The following PRKCE variants were observed in gnomAD, a reference collection of about 807,000 sequenced individuals.
PRKCE encodes protein kinase C epsilon type.
PRKCE carries 16 observed loss-of-function variants against 85.4 expected under a neutral mutation model. The ratio of observed to expected loss-of-function variants is 0.19; its 90% CI spans 0.13 to 0.28. The LOEUF (loss-of-function observed/expected upper bound fraction) is 0.28. PRKCE is among the 10% of genes least tolerant of loss of function. PRKCE has a pLI of 1.00. For synonymous variants in PRKCE, 388 were observed against 371.5 expected, an observed-to-expected ratio of 1.04 and a Z score of -0.51; for missense variants, 573 against 975.2, an observed-to-expected ratio of 0.59 and a Z score of 5.49.
At chr2:45,750,058 A>G (rs1390036615) in intron 1 of PRKCE, among the ~76,000 whole-genome samples, 2 of 152,100 alleles carry the variant, frequency 1.3e-5, no homozygotes, top group Non-Finnish European at 2.9e-5. Context: ...CAAGTGGTGA[A>G]TAATGTATCA....
At chr2:45,852,388 A>G (rs1366371203) in intron 2 of PRKCE, among the ~76,000 whole-genome samples, 3 of 152,296 alleles carry the variant, frequency 2.0e-5, no homozygotes, top group African/African-American at 7.2e-5. Context: ...TCCATCTGTT[A>G]TTGGGTTCTG....
intron 1 of PRKCE, among the ~76,000 whole-genome samples, chr2:45,669,947 G>A (rs1322689283): frequency 1.3e-5 from 2 of 152,176 alleles, no homozygotes; most frequent in African/African-American, 2.4e-5. Context: ...GGAGGCAGAG[G>A]TTGCAGTGAG....
chr2:45,815,498 C>G (rs556601198), intron 1 of PRKCE, among the ~76,000 whole-genome samples: 1 of 152,258 alleles, frequency 6.6e-6, no homozygotes, highest in Non-Finnish European at 1.5e-5. Context: ...GTTCCAATCC[C>G]TAGGTGCTTT....
chr2:46,055,069 C>T (rs540738465), intron 10 of PRKCE, among the ~76,000 whole-genome samples: 2 of 152,338 alleles, frequency 1.3e-5, no homozygotes, highest in East Asian at 1.9e-4. Context: ...GATCACATTC[C>T]TCCTGGACGC....
chr2:46,165,335 A>G (rs1012193639), intron 14 of PRKCE, among the ~76,000 whole-genome samples: 2 of 152,228 alleles, frequency 1.3e-5, no homozygotes, highest in African/African-American at 4.8e-5. Context: ...ATGTGCCATC[A>G]ACACCAAACC....
At chr2:46,023,769 C>T (rs13013317) in intron 10 of PRKCE, among the ~76,000 whole-genome samples, 2 of 151,940 alleles carry the variant, frequency 1.3e-5, no homozygotes, top group African/African-American at 2.4e-5. Flanking sequence ...CCCCCACTGC[C>T]TGTGGTTTGT....
intron 1 of PRKCE, among the ~76,000 whole-genome samples, chr2:45,778,835 G>C (rs934130930): frequency 3.3e-5 from 5 of 152,094 alleles, no homozygotes; most frequent in African/African-American, 1.2e-4. Context: ...CCTGACCCCG[G>C]GACATTATTT....
intron 1 of PRKCE, among the ~76,000 whole-genome samples, chr2:45,806,969 C>G (rs1317294708): frequency 6.6e-6 from 1 of 152,156 alleles, no homozygotes; most frequent in Non-Finnish European, 1.5e-5. Context: ...TGTGGGTAGA[C>G]CTCAGGAGGC....
chr2:45,965,683 G>T (rs1701684402), intron 2 of PRKCE, among the ~76,000 whole-genome samples: 1 of 152,192 alleles, frequency 6.6e-6, no homozygotes, highest in Non-Finnish European at 1.5e-5. Flanking sequence ...ACATTGCCTG[G>T]AATCCAGTGT....
rs1680464159 is a variant in PRKCE at position 46,186,565 on chromosome 2, T to A, written c.*1684T>A. The A allele has an allele frequency of 6.6e-6, 1 of 152,596 alleles. No homozygotes were observed. Among genetic ancestry groups the A allele is most frequent in the Non-Finnish European group, 1.5e-5 (1 of 68,036 alleles). The allele number at this position is 152,596 out of a possible 1,614,324, so 9.5% of individuals were successfully genotyped here. A position where few individuals can be genotyped will look rare whatever the true frequency, so the allele number is the denominator to read the frequency against. On this transcript the variant is annotated 3_prime_UTR_variant, in exon 15 of 15. Transcript: ENST00000306156. ...TTACCGAGAGATAGGTGTGTTCCTT[T>A]ATGGGGGATGGGGGGGTGTGTTGGG...
At chr2:46,002,801 T>G (rs184074580) in intron 7 of PRKCE, among the ~76,000 whole-genome samples, 20 of 152,352 alleles carry the variant, frequency 1.3e-4, no homozygotes, top group African/African-American at 4.6e-4. Context: ...GCAAACACTC[T>G]GTCATGACAA....
chr2:45,980,485 G>T, intron 5 of PRKCE, 104 bp downstream of exon 5: 1 of 1,057,970 alleles, frequency 9.5e-7, no homozygotes, highest in Non-Finnish European at 1.4e-6. Flanking sequence ...CTGAGACCCT[G>T]TCATTTCATT....
At chr2:45,933,164 T>G (rs1699164869) in intron 2 of PRKCE, among the ~76,000 whole-genome samples, 1 of 152,172 alleles carries the variant, frequency 6.6e-6, no homozygotes, top group South Asian at 2.1e-4. Flanking sequence ...ATTTTTCTAT[T>G]GGGTTGTCTG....
intron 11 of PRKCE, among the ~76,000 whole-genome samples, chr2:46,088,191 A>G (rs1274899829): frequency 2.0e-5 from 3 of 152,150 alleles, no homozygotes; most frequent in African/African-American, 7.2e-5. Flanking sequence ...GGGTCACTTT[A>G]GGCTGTGTCT....
intron 11 of PRKCE, among the ~76,000 whole-genome samples, chr2:46,144,468 A>G (rs758527100): frequency 1.6e-4 from 24 of 152,022 alleles, no homozygotes; most frequent in Non-Finnish European, 2.6e-4. Context: ...TACCTTTTGC[A>G]TCAGCTATAT....
chr2:46,022,879 C>A (rs1480523309), intron 10 of PRKCE, among the ~76,000 whole-genome samples: 1 of 151,332 alleles, frequency 6.6e-6, no homozygotes, highest in African/African-American at 2.4e-5. Flanking sequence ...GTCAGGAGAT[C>A]GAGACCATCC....
intron 1 of PRKCE, among the ~76,000 whole-genome samples, chr2:45,731,475 A>G (rs1260640033): frequency 1.3e-5 from 2 of 152,118 alleles, no homozygotes; most frequent in African/African-American, 4.8e-5. Context: ...GGAAACTGGG[A>G]GAAGTTGAGT....
chr2:45,923,372 C>T (rs145515284), intron 2 of PRKCE, among the ~76,000 whole-genome samples: 187 of 152,310 alleles, frequency 1.2e-3, no homozygotes, highest in Non-Finnish European at 2.2e-3. Context: ...GAGCAGTGGC[C>T]ATGTGGAGAA....
At chr2:46,117,489 C>A (rs1448787857) in intron 11 of PRKCE, among the ~76,000 whole-genome samples, 1 of 152,172 alleles carries the variant, frequency 6.6e-6, no homozygotes, top group Non-Finnish European at 1.5e-5. Context: ...TACATGAGGT[C>A]CAGAAATCAC....
Sources: gnomAD v4.1 joint callset for allele counts (sites outside exome capture counted in the v4.1 genomes callset) on GRCh38, gnomAD v4.1.1 for gene constraint, MANE v1.5 for transcripts, NCBI Gene and HGNC (gene_info 2026-07-23, HGNC 2026-07-21) for gene names.